Variants in MTMR1 observed in about 807,000 individuals in gnomAD.
MTMR1 encodes the protein phosphatidylinositol-3-phosphate phosphatase MTMR1.
MTMR1 carries 17 observed loss-of-function variants against 51.6 expected under a neutral mutation model. The observed-to-expected ratio is 0.33, with a 90% CI of 0.23 to 0.49. The LOEUF (loss-of-function observed/expected upper bound fraction) is 0.49, where lower values mean the gene tolerates loss of function less well. MTMR1 is among the 20% of genes least tolerant of loss of function. The pLI is 0.99. For missense variants in MTMR1, 386 were observed against 526.9 expected, an observed-to-expected ratio of 0.73 and a Z score of 2.62; for synonymous variants, 201 against 205.6, an observed-to-expected ratio of 0.98 and a Z score of 0.19.
At chrX:150,723,997 T>C (rs1400361984) in intron 4 of MTMR1, among the ~76,000 whole-genome samples, 1 of 112,466 alleles carries the variant, frequency 8.9e-6, no homozygotes, top group African/African-American at 3.2e-5. Context: ...GGCATTTAGA[T>C]TGATTCCATG....
intron 13 of MTMR1, 108 bp downstream of exon 13, chrX:150,744,561 C>A: frequency 1.6e-6 from 1 of 621,219 alleles, no homozygotes. Flanking sequence ...AAATATGACC[C>A]CATTATTTAA....
intron 4 of MTMR1, among the ~76,000 whole-genome samples, chrX:150,721,248 G>C (rs187928540): frequency 9.0e-6 from 1 of 111,669 alleles, no homozygotes; most frequent in African/African-American, 3.2e-5. Context: ...GAAAGATATT[G>C]GTCTGTAATT....
chrX:150,722,554 A>G (rs2041784229), intron 4 of MTMR1, among the ~76,000 whole-genome samples: 1 of 111,611 alleles, frequency 9.0e-6, no homozygotes, highest in Non-Finnish European at 1.9e-5. Flanking sequence ...CTTTTAAAAA[A>G]TTTTACTAAC....
rs189118433 is a variant in MTMR1, at chrX:150,744,665, T to C, written c.1566+212T>C. 8.0e-4 allele frequency among the ~76,000 whole-genome samples: 90 copies of C among 112,449 alleles called. No individual in the cohort carries two copies. In the East Asian group the frequency reaches 0.02, roughly 25 times the overall value. On this transcript the variant is annotated intron_variant, in intron 13 of 15. Transcript: ENST00000445323. ...GTTACTTGTCTTTGCAAATGGTTTT[T>C]ATCAATCATCTTGTCCACTAGGTCC...
chrX:150,726,994 A>C, intron 4 of MTMR1: 1 of 268,353 alleles, frequency 3.7e-6, no homozygotes, highest in Non-Finnish European at 6.5e-6. Context: ...CCTTTACTTA[A>C]AACCTCATTA....
chrX:150,754,196 C>T (rs1276123530), intron 14 of MTMR1, among the ~76,000 whole-genome samples: 1 of 113,152 alleles, frequency 8.8e-6, no homozygotes, highest in Non-Finnish European at 1.9e-5. Context: ...TCTGTCCTTA[C>T]GCCAGCACTG....
Position 150,763,643 on chromosome X carries a change from C to CTTATG in MTMR1, c.*919_*923dup, listed in dbSNP as rs1557418236. On this transcript the variant is annotated 3_prime_UTR_variant, in exon 16 of 16. Transcript: ENST00000445323. ...CTGCTGGGATCAAAGCAAGTCTGTT[C>CTTATG]TTATGTTATTTGCCTGTATGAAATC... 8.8e-6 allele frequency: 1 copy of CTTATG among 113,073 alleles called. No individual in the cohort carries two copies. The highest frequency in any genetic ancestry group is 3.2e-5 in the African/African-American group (1 of 31,188). The allele number at this position is 113,073 out of a possible 1,213,427, so 9.3% of individuals were successfully genotyped here.
At chrX:150,737,809 GT>G (rs371999050) in intron 12 of MTMR1, among the ~76,000 whole-genome samples, 32 of 112,064 alleles carry the variant, frequency 2.9e-4, no homozygotes, top group African/African-American at 9.7e-4. Flanking sequence ...GCTCAGGCCT[GT>G]AATCCCAGCT....
chrX:150,712,992 G>T, intron 3 of MTMR1: 1 of 902,769 alleles, frequency 1.1e-6, no homozygotes. Flanking sequence ...GCATTTAACA[G>T]ACATTGAAAA....
Position 150,718,608 on chromosome X carries a change from T to TGCCAGGG in MTMR1, c.277-17_277-16insGCCAGGG. On this transcript the variant is annotated splice_polypyrimidine_tract_variant and intron_variant, in intron 3 of 15. Transcript: ENST00000445323. ...CCTTTTTTTTTTTTTTTTTTTTTTTTTTTTTTTTTTTGCCAGGCTCTAAGG... is the reference window on the plus strand; with the variant it reads ...CCTTTTTTTTTTTTTTTTTTTTTTTTGCCAGGGTTTTTTTTTTTGCCAGGCTCTAAGG... The TGCCAGGG allele has an allele frequency of 1.3e-6, 1 of 777,102 alleles. No homozygotes were observed. The highest frequency in any genetic ancestry group is 1.7e-6 in the Non-Finnish European group (1 of 596,802). 64.0% of individuals were successfully genotyped at this position (777,102 alleles called of 1,213,427 possible). A position where few individuals can be genotyped will look rare whatever the true frequency, so the allele number is the denominator to read the frequency against.
chrX:150,746,788 TTCTG>T (rs2042586603), intron 13 of MTMR1, among the ~76,000 whole-genome samples: 1 of 112,694 alleles, frequency 8.9e-6, no homozygotes, highest in Admixed American at 9.4e-5. Flanking sequence ...AGCTCTAAGA[TTCTG>T]TCTGTGAAAT....
At chrX:150,756,493 C>T (rs927698121) in intron 15 of MTMR1, among the ~76,000 whole-genome samples, 3 of 111,621 alleles carry the variant, frequency 2.7e-5, no homozygotes, top group African/African-American at 9.8e-5. Flanking sequence ...GGGCTCCCCA[C>T]ATCCTCCACT....
chrX:150,751,221 A>G, intron 14 of MTMR1: 1 of 793,704 alleles, frequency 1.3e-6, no homozygotes, highest in East Asian at 1.2e-4. Context: ...TCTGCTGATT[A>G]GCCAAAAAGC....
At chrX:150,761,492 G>C (rs1318745756) in intron 15 of MTMR1, among the ~76,000 whole-genome samples, 1 of 112,926 alleles carries the variant, frequency 8.9e-6, no homozygotes. Flanking sequence ...GGTGAAAGAT[G>C]AGCCAGAGGG....
At chrX:150,751,792 G>A (rs782211559) in intron 14 of MTMR1, among the ~76,000 whole-genome samples, 55 of 110,209 alleles carry the variant, frequency 5.0e-4, no homozygotes, top group Non-Finnish European at 8.5e-4. Context: ...CCATCCAGAT[G>A]CCGAGGCCAA....
intron 15 of MTMR1, among the ~76,000 whole-genome samples, chrX:150,759,463 GAGT>G (rs1569565771): frequency 3.5e-4 from 35 of 100,082 alleles, no homozygotes; most frequent in African/African-American, 1.2e-3. Context: ...GCCTGATCTG[GAGT>G]GCCTTTGGCT....
chrX:150,753,115 G>C (rs1428754500), intron 14 of MTMR1, among the ~76,000 whole-genome samples: 5 of 112,006 alleles, frequency 4.5e-5, no homozygotes, highest in Non-Finnish European at 9.4e-5. Context: ...GAACTTATAT[G>C]ACTGTCTTCC....
chrX:150,761,904 C>T (rs1410062086), intron 15 of MTMR1, among the ~76,000 whole-genome samples: 4 of 112,308 alleles, frequency 3.6e-5, no homozygotes, highest in Non-Finnish European at 7.5e-5. Flanking sequence ...ATATTCACCC[C>T]TGCCCCACAG....
At chrX:150,751,779 T>A (rs2042737857) in intron 14 of MTMR1, among the ~76,000 whole-genome samples, 1 of 110,490 alleles carries the variant, frequency 9.1e-6, no homozygotes, top group South Asian at 3.9e-4. Flanking sequence ...ACAGCACCAC[T>A]GGCCATCCAG....
Sources: allele counts gnomAD v4.1 joint callset (sites outside exome capture counted in the v4.1 genomes callset), GRCh38; gene constraint gnomAD v4.1.1; transcripts MANE v1.5; gene names NCBI Gene and HGNC (gene_info 2026-07-23, HGNC 2026-07-21).